NTM: variants seen among roughly 807,000 people sequenced by gnomAD.
NTM encodes IgLON family member 2.
In NTM, 13 loss-of-function variants were observed where a neutral mutation model predicts 42.1. The observed-to-expected ratio is 0.31, with a 90% CI of 0.20 to 0.49. The LOEUF is 0.49. NTM is among the 20% of genes least tolerant of loss of function. NTM has a pLI of 0.99. For synonymous variants in NTM, 187 were observed against 179.2 expected (o/e 1.04, Z -0.35); for missense variants, 373 against 452.8 (o/e 0.82, Z 1.60).
intron 4 of NTM, among the ~76,000 whole-genome samples, chr11:132,239,801 A>T (rs1336005562): frequency 6.6e-6 from 1 of 152,188 alleles, no homozygotes; most frequent in Non-Finnish European, 1.5e-5. Context: ...TAACAATAAT[A>T]ATTCTTCTTT....
intron 2 of NTM, among the ~76,000 whole-genome samples, chr11:132,043,109 C>A (rs1446895937): frequency 6.6e-6 from 1 of 152,048 alleles, no homozygotes; most frequent in Admixed American, 6.5e-5. Flanking sequence ...AATCCTATTC[C>A]ATCATTCTAA....
intron 4 of NTM, among the ~76,000 whole-genome samples, chr11:132,275,519 T>C (rs527568782): frequency 4.0e-5 from 6 of 151,770 alleles, no homozygotes; most frequent in South Asian, 2.1e-4. Flanking sequence ...ATGAATTTTT[T>C]TTCATTTTTT....
chr11:131,743,500 T>C (rs2081431331), intron 1 of NTM, among the ~76,000 whole-genome samples: 1 of 152,206 alleles, frequency 6.6e-6, no homozygotes, highest in Non-Finnish European at 1.5e-5. Context: ...GTACTCTTCC[T>C]AAAAGGAATA....
chr11:132,014,298 G>A (rs2072906895), intron 2 of NTM, among the ~76,000 whole-genome samples: 1 of 152,062 alleles, frequency 6.6e-6, no homozygotes, highest in South Asian at 2.1e-4. Flanking sequence ...ATCAGTCGAT[G>A]GACAGTTAGG....
intron 1 of NTM, among the ~76,000 whole-genome samples, chr11:131,532,241 C>T (rs1158154914): frequency 6.6e-6 from 1 of 152,144 alleles, no homozygotes; most frequent in Non-Finnish European, 1.5e-5. Flanking sequence ...CATTCTCCAC[C>T]CCACTCCTCC....
intron 1 of NTM, among the ~76,000 whole-genome samples, chr11:131,598,810 TC>T (rs1169404566): frequency 4.3e-5 from 3 of 70,570 alleles, no homozygotes; most frequent in African/African-American, 1.3e-4. Context: ...TTTCTTTCTT[TC>T]TTCTTTCTTT....
At chr11:131,962,373 C>A (rs1050748163) in intron 2 of NTM, among the ~76,000 whole-genome samples, 2 of 152,180 alleles carry the variant, frequency 1.3e-5, no homozygotes, top group African/African-American at 2.4e-5. Flanking sequence ...AACCCTAACC[C>A]TCAATGGGAT....
chr11:131,519,687 T>C (rs949768805), intron 1 of NTM, among the ~76,000 whole-genome samples: 84 of 136,168 alleles, frequency 6.2e-4, no homozygotes, highest in African/African-American at 2.3e-3. Flanking sequence ...GGAGGCTGCA[T>C]CTTTAGTTTT....
chr11:131,496,894 A>G (rs1955401395), intron 1 of NTM, among the ~76,000 whole-genome samples: 1 of 152,222 alleles, frequency 6.6e-6, no homozygotes, highest in African/African-American at 2.4e-5. Flanking sequence ...AGGCCTCAGA[A>G]GACAGCACAA....
At chr11:131,704,168 G>A (rs1263782601) in intron 1 of NTM, among the ~76,000 whole-genome samples, 2 of 152,126 alleles carry the variant, frequency 1.3e-5, no homozygotes, top group African/African-American at 4.8e-5. Flanking sequence ...ACAGAACCTG[G>A]CTCTAGGTTC....
At chr11:132,256,980 C>G (rs1045156513) in intron 4 of NTM, among the ~76,000 whole-genome samples, 1 of 152,216 alleles carries the variant, frequency 6.6e-6, no homozygotes, top group African/African-American at 2.4e-5. Flanking sequence ...CCACTGAACC[C>G]CATCTGTCAC....
At chr11:132,174,545 G>A (rs1049345505) in intron 3 of NTM, among the ~76,000 whole-genome samples, 9 of 152,192 alleles carry the variant, frequency 5.9e-5, no homozygotes, top group Non-Finnish European at 7.3e-5. Context: ...TTGCTGTGTC[G>A]CCTCTTTCTC....
intron 1 of NTM, among the ~76,000 whole-genome samples, chr11:131,507,608 C>A (rs1168131116): frequency 2.7e-5 from 4 of 149,980 alleles, no homozygotes; most frequent in African/African-American, 9.8e-5. Flanking sequence ...TCATTGGTAG[C>A]TTGATGGGGA....
chr11:132,236,720 G>T (rs1376751031), intron 4 of NTM, among the ~76,000 whole-genome samples: 2 of 152,248 alleles, frequency 1.3e-5, no homozygotes, highest in Non-Finnish European at 2.9e-5. Flanking sequence ...GCAGTGGGCT[G>T]TGCTAGTGCT....
rs1593748673 is a variant in NTM, at chr11:132,015,967, A to G, written c.167+104319A>G. 2.0e-5 allele frequency among the ~76,000 whole-genome samples: 3 copies of G among 151,888 alleles called. No individual in the cohort carries two copies. The South Asian group carries it at 6.2e-4, about 31-fold the overall frequency. ...TTGCAGCACTATGTTGAATAGGAGT[A>G]GTGAAAGTGGGTATCCTAGTCTTGT... On this transcript the variant is annotated intron_variant, in intron 2 of 8. Transcript: ENST00000683400.
At position 131,789,639 on chromosome 11, in the gene NTM, GAAGAAGA is replaced by G; in HGVS notation, c.83-121923_83-121917del. Among the ~76,000 whole-genome samples the G allele has an allele frequency of 1.8e-5, 2 of 109,682 alleles. 1 individual carries two copies. Among genetic ancestry groups the G allele is most frequent in the Admixed American group, 2.4e-4 (2 of 8,212 alleles). The allele number at this position is 109,682 out of a possible 152,430, so 72.0% of individuals were successfully genotyped here. ...AAGAAGAAGAAGAAGAAGAAGAAAA[GAAGAAGA>G]AGAAGAAGAAGAAGAAGAAGAAAGC... On this transcript the variant is annotated intron_variant, in intron 1 of 8. Transcript: ENST00000683400.
At chr11:131,599,913 G>A (rs534987802) in intron 1 of NTM, among the ~76,000 whole-genome samples, 1 of 152,318 alleles carries the variant, frequency 6.6e-6, no homozygotes, top group East Asian at 1.9e-4. Flanking sequence ...AGACCCTGCG[G>A]GTGACTCCCT....
chr11:131,968,180 T>C (rs1180312110), intron 2 of NTM, among the ~76,000 whole-genome samples: 2 of 152,122 alleles, frequency 1.3e-5, no homozygotes, highest in African/African-American at 4.8e-5. Flanking sequence ...CCCTACATAT[T>C]TTACTGGGAA....
intron 2 of NTM, among the ~76,000 whole-genome samples, chr11:132,001,874 A>G (rs563595263): frequency 1.3e-5 from 2 of 152,284 alleles, no homozygotes; most frequent in South Asian, 2.1e-4. Context: ...GATATTAAGG[A>G]CAAACAATGA....
Sources: allele counts gnomAD v4.1 joint callset (sites outside exome capture counted in the v4.1 genomes callset), GRCh38; gene constraint gnomAD v4.1.1; transcripts MANE v1.5; gene names NCBI Gene and HGNC (gene_info 2026-07-23, HGNC 2026-07-21).